RCOR1: variants seen among roughly 807,000 people sequenced by gnomAD.
RCOR1 encodes the protein REST corepressor.
In RCOR1, 12 loss-of-function variants were observed where a neutral mutation model predicts 64.0. That is an observed-to-expected ratio of 0.19 (90% CI 0.12 to 0.30). RCOR1 has a LOEUF of 0.30. RCOR1 is among the 10% of genes least tolerant of loss of function. RCOR1 has a pLI of 1.00. For missense variants in RCOR1, 502 were observed against 621.2 expected (o/e 0.81, Z 2.04); for synonymous variants, 279 against 227.2 (o/e 1.23, Z -2.05).
rs1896297739 is a variant in RCOR1 at position 102,727,730 on chromosome 14, A to G, written c.*1224A>G. On this transcript the variant is annotated 3_prime_UTR_variant, in exon 12 of 12. Coordinates refer to ENST00000262241, the MANE Select transcript of RCOR1 (RefSeq NM_015156.4). The stretch of plus-strand genomic sequence containing the variant: ...AGTGAGACTGAGATGAAAAGAAATA[A>G]CCTACAGAGTGGTCTGTAATGCCTT... 6.6e-6 allele frequency: 1 copy of G among 151,970 alleles called. No homozygotes were observed. Among genetic ancestry groups the G allele is most frequent in the South Asian group, 2.1e-4 (1 of 4,808 alleles). 9.4% of individuals were successfully genotyped at this position (151,970 alleles called of 1,614,324 possible).
intron 2 of RCOR1, among the ~76,000 whole-genome samples, chr14:102,654,531 TTC>T (rs1894682194): frequency 6.6e-6 from 1 of 152,148 alleles, no homozygotes; most frequent in African/African-American, 2.4e-5. Flanking sequence ...GGAACCACAG[TTC>T]TCTGCAGAGG....
At chr14:102,673,708 C>T (rs1003708447) in intron 2 of RCOR1, among the ~76,000 whole-genome samples, 4 of 151,036 alleles carry the variant, frequency 2.6e-5, no homozygotes, top group South Asian at 2.1e-4. Context: ...CTCCGCCTCC[C>T]GGGTTCAAGT....
intron 2 of RCOR1, among the ~76,000 whole-genome samples, chr14:102,595,665 C>T (rs1026680304): frequency 2.6e-5 from 4 of 151,686 alleles, no homozygotes; most frequent in African/African-American, 9.7e-5. Flanking sequence ...CTGCAAGCTC[C>T]GCCTCCCAGG....
chr14:102,632,215 TG>T (rs1374339290), intron 2 of RCOR1, among the ~76,000 whole-genome samples: 1 of 112,282 alleles, frequency 8.9e-6, no homozygotes, highest in East Asian at 2.4e-4. Flanking sequence ...TTTCGTTTGT[TG>T]GGTTTTTTTT....
chr14:102,619,147 G>A lies in RCOR1; in HGVS notation c.361+25822G>A, dbSNP rs780767300. On this transcript the variant is annotated intron_variant, in intron 2 of 11. Transcript: ENST00000262241. ...CTGTCTTTATATTTTTTGAGACGGA[G>A]TTTCGCTCTTGTTGCCCAGGCTGGA... 6.7e-5 allele frequency among the ~76,000 whole-genome samples: 10 copies of A among 149,332 alleles called. 1 individual carries two copies. Among genetic ancestry groups the A allele is most frequent in the Non-Finnish European group, 1.3e-4 (9 of 67,474 alleles).
At chr14:102,598,778 C>T (rs569411862) in intron 2 of RCOR1, among the ~76,000 whole-genome samples, 2 of 152,036 alleles carry the variant, frequency 1.3e-5, no homozygotes, top group Admixed American at 1.3e-4. Flanking sequence ...TAATTAATAC[C>T]TAGATTAGAT....
chr14:102,634,964 T>C (rs1894206350), intron 2 of RCOR1, among the ~76,000 whole-genome samples: 1 of 151,052 alleles, frequency 6.6e-6, no homozygotes, highest in African/African-American at 2.4e-5. Context: ...CACCTCGGCC[T>C]CCCAAAGTGA....
intron 2 of RCOR1, among the ~76,000 whole-genome samples, chr14:102,625,949 A>G (rs1893972270): frequency 2.0e-5 from 3 of 152,098 alleles, no homozygotes; most frequent in Non-Finnish European, 4.4e-5. Flanking sequence ...CTTGACCTCT[A>G]TTCCTGGGAT....
At chr14:102,655,552 A>G in intron 2 of RCOR1, 1 of 928,312 alleles carries the variant, frequency 1.1e-6, no homozygotes. Flanking sequence ...CGAAGATTAC[A>G]AGCTCATATT....
intron 3 of RCOR1, among the ~76,000 whole-genome samples, chr14:102,697,670 G>A (rs1025875237): frequency 6.6e-6 from 1 of 151,982 alleles, no homozygotes; most frequent in Admixed American, 6.6e-5. Flanking sequence ...TACTACAGTA[G>A]AGTGCTTTCT....
intron 2 of RCOR1, 86 bp downstream of exon 2, chr14:102,593,411 A>C: frequency 1.5e-6 from 2 of 1,371,916 alleles, no homozygotes; most frequent in Non-Finnish European, 1.9e-6. Flanking sequence ...GAGCCCGCCG[A>C]CAACTTTCTT....
intron 7 of RCOR1, among the ~76,000 whole-genome samples, chr14:102,713,431 C>T (rs1025020459): frequency 9.9e-5 from 15 of 151,948 alleles, no homozygotes; most frequent in African/African-American, 3.1e-4. Flanking sequence ...TACAGGCGCC[C>T]GCCACCGCAC....
At chr14:102,702,608 T>G (rs1023042952) in intron 4 of RCOR1, among the ~76,000 whole-genome samples, 7 of 152,198 alleles carry the variant, frequency 4.6e-5, no homozygotes, top group African/African-American at 1.7e-4. Flanking sequence ...ATCCTAGAAC[T>G]ATGCTGGTTC....
intron 3 of RCOR1, among the ~76,000 whole-genome samples, chr14:102,687,583 T>C (rs1232816267): frequency 6.6e-6 from 1 of 152,094 alleles, no homozygotes; most frequent in Admixed American, 6.6e-5. Context: ...ATTAGAACAA[T>C]GAGTTTAAAT....
chr14:102,673,557 G>A (rs1027747316), intron 2 of RCOR1, among the ~76,000 whole-genome samples: 12 of 151,614 alleles, frequency 7.9e-5, no homozygotes, highest in African/African-American at 7.3e-5. Flanking sequence ...GGATGGTCTC[G>A]ATCTCCTGAC....
chr14:102,609,025 C>CTTT (rs1004210046), intron 2 of RCOR1, among the ~76,000 whole-genome samples: 1 of 106,986 alleles, frequency 9.3e-6, no homozygotes, highest in Non-Finnish European at 1.9e-5. Context: ...CTGTGCTTCA[C>CTTT]TTTTTTTTTT....
At position 102,608,164 on chromosome 14, in the gene RCOR1, C is replaced by T. The variant is rs115138953; in HGVS notation, c.361+14839C>T. 9.4e-3 allele frequency among the ~76,000 whole-genome samples: 1,428 copies of T among 152,246 alleles called. 24 individuals carry two copies. Among genetic ancestry groups the T allele is most frequent in the African/African-American group, 0.033 (1,353 of 41,566 alleles). On this transcript the variant is annotated intron_variant, in intron 2 of 11. Transcript: ENST00000262241. ...CCCTTGTCTAGTTCCGAAACATTTT[C>T]ATCACCCTAAAAAGAAAATCTCACA...
At chr14:102,679,857 T>G (rs1156517347) in intron 2 of RCOR1, among the ~76,000 whole-genome samples, 1 of 152,222 alleles carries the variant, frequency 6.6e-6, no homozygotes, top group Admixed American at 6.5e-5. Context: ...ATAGTGTAAG[T>G]CTTCCAACTT....
Position 102,593,179 on chromosome 14 carries a change from A to G in RCOR1, c.293A>G (p.Glu98Gly), listed in dbSNP as rs778275872. The G allele has an allele frequency of 8.6e-6, 13 of 1,514,224 alleles. No homozygotes were observed. Among genetic ancestry groups the G allele is most frequent in the Non-Finnish European group, 1.1e-5 (13 of 1,137,156 alleles). The allele number at this position is 1,514,224 out of a possible 1,614,324, so 93.8% of individuals were successfully genotyped here. A position where few individuals can be genotyped will look rare whatever the true frequency, so the allele number is the denominator to read the frequency against. ...EEGSSGSSSD[E>G]EHGGGGMRVG... Reference sequence around the variant, plus strand: ...GGCAGCTCGGGCTCGTCCAGCGACGAGGAGCACGGTAGGTGGCAGCCGCCC... The same window carrying G: ...GGCAGCTCGGGCTCGTCCAGCGACGGGGAGCACGGTAGGTGGCAGCCGCCC... The change falls in exon 1 of 12, where the codon GAG becomes GGG. Residue 98 changes from glutamate to glycine, a missense_variant. Glu to Gly is a moderately conservative substitution (Grantham distance 98). Coordinates refer to ENST00000262241, the MANE Select transcript of RCOR1 (RefSeq NM_015156.4).
Sources: allele counts gnomAD v4.1 joint callset (sites outside exome capture counted in the v4.1 genomes callset), GRCh38; gene constraint gnomAD v4.1.1; transcripts MANE v1.5; gene names NCBI Gene and HGNC (gene_info 2026-07-23, HGNC 2026-07-21).